The following SPATA13 variants were observed in gnomAD, a reference collection of about 807,000 sequenced individuals.
SPATA13 encodes the protein spermatogenesis associated 13.
In SPATA13, 50 loss-of-function variants were observed where a neutral mutation model predicts 104.0. The observed-to-expected ratio is 0.48, with a 90% confidence interval of 0.38 to 0.61. SPATA13 has a LOEUF of 0.61. SPATA13 is among the 20% of genes least tolerant of loss of function. The pLI is 0.00. For missense variants in SPATA13, 1,524 were observed against 1,690.6 expected (o/e 0.90, Z 1.73); for synonymous variants, 606 against 667.5 (o/e 0.91, Z 1.42).
chr13:24,210,008 T>C (rs1423019907), intron 1 of SPATA13, among the ~76,000 whole-genome samples: 1 of 152,214 alleles, frequency 6.6e-6, no homozygotes, highest in East Asian at 1.9e-4. Flanking sequence ...TGCATTTCCC[T>C]GAGAATTTTG....
At chr13:24,108,918 C>G (rs1321535659) in intron 3 of SPATA13, among the ~76,000 whole-genome samples, 1 of 152,184 alleles carries the variant, frequency 6.6e-6, no homozygotes, top group African/African-American at 2.4e-5. Flanking sequence ...AAAAATCTCT[C>G]TTCCCTGCTT....
intron 3 of SPATA13, among the ~76,000 whole-genome samples, chr13:24,150,250 G>A (rs971920872): frequency 2.6e-5 from 4 of 152,060 alleles, no homozygotes; most frequent in African/African-American, 9.7e-5. Flanking sequence ...GTTTCTCCCT[G>A]CCCAGCACCA....
intron 2 of SPATA13, among the ~76,000 whole-genome samples, chr13:24,244,979 G>C (rs1438082112): frequency 6.6e-6 from 1 of 152,226 alleles, no homozygotes; most frequent in African/African-American, 2.4e-5. Flanking sequence ...AGCTGATAGA[G>C]CTCTGGCTGG....
chr13:24,075,856 C>T (rs1211778020), intron 3 of SPATA13, among the ~76,000 whole-genome samples: 1 of 152,196 alleles, frequency 6.6e-6, no homozygotes, highest in African/African-American at 2.4e-5. Context: ...GCCACGCTGT[C>T]TCCCTTTATT....
rs115399829 is a variant in SPATA13, at chr13:24,134,508, G to T, written c.-111-88311G>T. On this transcript the variant is annotated intron_variant, in intron 3 of 14. Coordinates refer to the SPATA13 transcript ENST00000424834. Reference sequence around the variant, plus strand: ...ATCTCTTTTTGGCAGCTTAAGCCAGGCCTGGATTAGCAAAGCATCCCAATG... The same window carrying T: ...ATCTCTTTTTGGCAGCTTAAGCCAGTCCTGGATTAGCAAAGCATCCCAATG... 7.2e-3 allele frequency among the ~76,000 whole-genome samples: 1,098 copies of T among 152,304 alleles called. 13 individuals are homozygous for T. The highest frequency in any genetic ancestry group is 0.025 in the African/African-American group (1,054 of 41,558).
intron 3 of SPATA13, among the ~76,000 whole-genome samples, chr13:24,095,010 G>A (rs7995893): frequency 0.96 from 145,498 of 152,288 alleles, 69,619 homozygotes; most frequent in Middle Eastern, 0.98. Context: ...TTCTCAGAAA[G>A]TTAAAAATAG....
At chr13:23,992,691 G>A (rs779423010) in intron 2 of SPATA13, among the ~76,000 whole-genome samples, 1 of 152,150 alleles carries the variant, frequency 6.6e-6, no homozygotes, top group Non-Finnish European at 1.5e-5. Context: ...CCCTCCCTGA[G>A]CTTGAAAGGG....
intron 1 of SPATA13, among the ~76,000 whole-genome samples, chr13:24,212,564 A>G (rs1320255975): frequency 1.3e-5 from 2 of 152,196 alleles, no homozygotes; most frequent in Non-Finnish European, 2.9e-5. Flanking sequence ...AGTTGATTCC[A>G]TATCGTTAAA....
At chr13:24,066,529 C>T (rs556753888) in intron 3 of SPATA13, among the ~76,000 whole-genome samples, 1 of 152,278 alleles carries the variant, frequency 6.6e-6, no homozygotes, top group East Asian at 1.9e-4. Context: ...CTGGGACAAA[C>T]CTGTCTTTGA....
At chr13:24,061,184 A>G (rs907045220) in intron 3 of SPATA13, among the ~76,000 whole-genome samples, 4 of 152,250 alleles carry the variant, frequency 2.6e-5, no homozygotes, top group African/African-American at 9.6e-5. Flanking sequence ...ACTATCTCAC[A>G]CCAGTCAGAA....
At chr13:24,080,213 C>T (rs748257719) in intron 3 of SPATA13, among the ~76,000 whole-genome samples, 19 of 152,210 alleles carry the variant, frequency 1.2e-4, no homozygotes, top group Non-Finnish European at 1.5e-4. Flanking sequence ...CTTCACATGA[C>T]CGTATGTCAA....
chr13:24,086,432 G>A (rs1338079776), intron 3 of SPATA13, among the ~76,000 whole-genome samples: 3 of 152,158 alleles, frequency 2.0e-5, no homozygotes, highest in African/African-American at 7.2e-5. Flanking sequence ...GAAGACACCA[G>A]GGAGAGGGCT....
chr13:24,186,196 G>A (rs1207658311), intron 1 of SPATA13, among the ~76,000 whole-genome samples: 1 of 152,180 alleles, frequency 6.6e-6, no homozygotes, highest in Non-Finnish European at 1.5e-5. Flanking sequence ...AAACGGGAAT[G>A]TTACGGTTCA....
chr13:24,256,813 T>C (rs533308201), intron 4 of SPATA13, among the ~76,000 whole-genome samples: 2 of 152,364 alleles, frequency 1.3e-5, no homozygotes, highest in South Asian at 4.1e-4. Flanking sequence ...GGATAATGAA[T>C]TTCAGTGGCA....
intron 3 of SPATA13, among the ~76,000 whole-genome samples, chr13:24,144,594 G>A (rs769964104): frequency 5.9e-5 from 9 of 152,112 alleles, no homozygotes; most frequent in Non-Finnish European, 1.2e-4. Flanking sequence ...GCTCTTGGGG[G>A]CTCTTTGGTG....
chr13:24,165,281 A>G (rs9580890), intron 1 of SPATA13, among the ~76,000 whole-genome samples: 30,735 of 151,846 alleles, frequency 0.2, 4,342 homozygotes, highest in African/African-American at 0.4. Context: ...ACTGTCTCCC[A>G]CCCCAGCATG....
rs1871749191 is a variant in SPATA13 at position 24,223,724 on chromosome 13, C to G, written c.795C>G (p.Ser265=). The G allele has an allele frequency of 6.4e-7, 1 of 1,551,990 alleles. No homozygotes were observed. Among genetic ancestry groups the G allele is most frequent in the South Asian group, 1.2e-5 (1 of 84,074 alleles). The change falls in exon 2 of 13, where the codon TCC becomes TCG. Residue 265 remains serine (S), a synonymous_variant. Coordinates refer to ENST00000382108, the MANE Select transcript of SPATA13 (RefSeq NM_001166271.3). ...TDNLAFLKKS[S]FKRKSTSNLA... ...ATCTTGCCTTTCTGAAGAAGAGCTC[C>G]TTTAAGCGGAAGTCCACCTCCAATC...
At chr13:24,225,659 A>G (rs11616597) in intron 2 of SPATA13, among the ~76,000 whole-genome samples, 19,343 of 152,208 alleles carry the variant, frequency 0.13, 1,446 homozygotes, top group Non-Finnish European at 0.17. Context: ...TTCCTGTTGC[A>G]TGTTGCAGCT....
At chr13:24,085,525 T>C (rs1279860852) in intron 3 of SPATA13, among the ~76,000 whole-genome samples, 1 of 152,154 alleles carries the variant, frequency 6.6e-6, no homozygotes, top group Non-Finnish European at 1.5e-5. Flanking sequence ...CTGCAGGAAC[T>C]GGGGTGCAGA....
Sources: allele counts gnomAD v4.1 joint callset (sites outside exome capture counted in the v4.1 genomes callset), GRCh38; gene constraint gnomAD v4.1.1; transcripts MANE v1.5; gene names NCBI Gene and HGNC (gene_info 2026-07-23, HGNC 2026-07-21).